The following FHIP1A variants were observed in gnomAD, a reference collection of about 807,000 sequenced individuals.
The protein encoded by FHIP1A is FHF complex subunit HOOK interacting protein 1A, also known as FHF complex subunit HOOK-interacting protein 1A.
Under a neutral mutation model 88.6 loss-of-function variants are expected in FHIP1A, and 61 were observed. The observed-to-expected ratio is 0.69, with a 90% CI of 0.56 to 0.85. The LOEUF (loss-of-function observed/expected upper bound fraction) is 0.85. Ranked by LOEUF, FHIP1A falls within the 40% of genes least tolerant of loss-of-function variation. The pLI is 0.00. For synonymous variants in FHIP1A, 478 were observed against 496.0 expected (o/e 0.96, Z 0.48); for missense variants, 1,154 against 1,273.5 (o/e 0.91, Z 1.43).
intron 9 of FHIP1A, among the ~76,000 whole-genome samples, 155 bp downstream of exon 9, chr4:151,638,911 ATTAAT>A (rs1736467850): frequency 6.6e-6 from 1 of 152,210 alleles, no homozygotes; most frequent in Non-Finnish European, 1.5e-5. Context: ...TATCACGAAC[ATTAAT>A]TTATTTTTTG....
intron 1 of FHIP1A, among the ~76,000 whole-genome samples, chr4:151,449,190 A>C (rs1436760353): frequency 1.3e-5 from 2 of 152,196 alleles, no homozygotes; most frequent in Non-Finnish European, 2.9e-5. Context: ...TGAATGAATG[A>C]ATACATGATA....
chr4:151,555,142 G>A (rs1042083152), intron 3 of FHIP1A, among the ~76,000 whole-genome samples: 1 of 152,130 alleles, frequency 6.6e-6, no homozygotes, highest in Non-Finnish European at 1.5e-5. Flanking sequence ...TTGGCTCTTT[G>A]ATCTTCTACT....
Position 151,650,040 on chromosome 4 carries a change from C to A in FHIP1A, c.1999C>A (p.Pro667Thr). 1 of 1,551,686 alleles carries A rather than the reference C, an allele frequency of 6.4e-7. No individual in the cohort carries two copies. Among genetic ancestry groups the A allele is most frequent in the South Asian group, 1.2e-5 (1 of 84,058 alleles). ...TTCTCAGGAGGAAGCTGCTAGGCCACCAGCTGAAGCCCAGGCTGAAGTTCA... is the reference window on the plus strand; with the variant it reads ...TTCTCAGGAGGAAGCTGCTAGGCCAACAGCTGAAGCCCAGGCTGAAGTTCA... ...KDSQEEAARP[P>T]AEAQAEVQSV... Residue 667 changes from proline to threonine, a missense_variant, in exon 11 of 14, where the codon CCA becomes ACA. Coordinates refer to ENST00000435205, the MANE Select transcript of FHIP1A (RefSeq NM_001109977.3).
At chr4:151,637,480 C>G (rs948126530) in intron 8 of FHIP1A, among the ~76,000 whole-genome samples, 5 of 152,122 alleles carry the variant, frequency 3.3e-5, no homozygotes, top group Non-Finnish European at 7.4e-5. Context: ...TAAATACACC[C>G]TGCTGCTCAC....
intron 1 of FHIP1A, among the ~76,000 whole-genome samples, chr4:151,417,546 G>A (rs1732942434): frequency 6.6e-6 from 1 of 152,290 alleles, no homozygotes; most frequent in Non-Finnish European, 1.5e-5. Context: ...CTGTCATGCG[G>A]AACAAGGAGA....
intron 2 of FHIP1A, among the ~76,000 whole-genome samples, chr4:151,457,433 T>C (rs1026388072): frequency 6.6e-6 from 1 of 152,182 alleles, no homozygotes; most frequent in East Asian, 1.9e-4. Context: ...TCTGAAATTA[T>C]TCTATTTGGT....
intron 7 of FHIP1A, among the ~76,000 whole-genome samples, chr4:151,628,201 C>T (rs1054247000): frequency 3.3e-5 from 5 of 152,048 alleles, no homozygotes; most frequent in Non-Finnish European, 5.9e-5. Context: ...AGGGGATTTG[C>T]GCTATGATAT....
At chr4:151,568,067 G>A (rs1733457656) in intron 4 of FHIP1A, among the ~76,000 whole-genome samples, 1 of 152,184 alleles carries the variant, frequency 6.6e-6, no homozygotes, top group Non-Finnish European at 1.5e-5. Flanking sequence ...CATCTGCCCT[G>A]TCAGATTCTG....
intron 3 of FHIP1A, among the ~76,000 whole-genome samples, chr4:151,542,212 G>T (rs992360844): frequency 1.3e-5 from 2 of 152,056 alleles, no homozygotes; most frequent in Non-Finnish European, 2.9e-5. Context: ...TGTGTGTGTG[G>T]TGCTCTGTTT....
intron 1 of FHIP1A, among the ~76,000 whole-genome samples, chr4:151,442,197 A>C (rs1199140665): frequency 6.6e-6 from 1 of 152,126 alleles, no homozygotes; most frequent in Non-Finnish European, 1.5e-5. Flanking sequence ...CGCGTGGCTG[A>C]TTGGTGCAGG....
chr4:151,445,811 C>T lies in FHIP1A; in HGVS notation c.-355-8890C>T, dbSNP rs1175953042. 2.1e-5 allele frequency among the ~76,000 whole-genome samples: 3 copies of T among 140,042 alleles called. No individual in the cohort carries two copies. The Admixed American group carries it at 2.3e-4, about 11-fold the overall frequency. 91.9% of individuals were successfully genotyped at this position (140,042 alleles called of 152,430 possible). On this transcript the variant is annotated intron_variant, in intron 1 of 13. Coordinates refer to ENST00000435205, the MANE Select transcript of FHIP1A (RefSeq NM_001109977.3). ...TTGAGGCTGCAGTGACCTATGATCA[C>T]ACCTCTGCACGCCAGCCTGAGAGAC...
intron 3 of FHIP1A, among the ~76,000 whole-genome samples, chr4:151,562,287 G>A (rs1223228225): frequency 6.6e-6 from 1 of 152,176 alleles, no homozygotes; most frequent in African/African-American, 2.4e-5. Flanking sequence ...AGAAGGAGGG[G>A]TAGGAAGGGA....
chr4:151,551,678 T>G (rs558888059), intron 3 of FHIP1A, among the ~76,000 whole-genome samples: 19 of 152,272 alleles, frequency 1.2e-4, no homozygotes, highest in Middle Eastern at 6.8e-3. Context: ...TATACAAAAA[T>G]TAATTCAAGA....
At chr4:151,487,518 G>C (rs1328168403) in intron 3 of FHIP1A, among the ~76,000 whole-genome samples, 2 of 152,168 alleles carry the variant, frequency 1.3e-5, no homozygotes, top group Non-Finnish European at 1.5e-5. Flanking sequence ...AGACCTGGAT[G>C]TCCCACAGTC....
intron 7 of FHIP1A, among the ~76,000 whole-genome samples, chr4:151,618,737 A>C (rs1735634963): frequency 6.6e-6 from 1 of 152,224 alleles, no homozygotes; most frequent in Non-Finnish European, 1.5e-5. Flanking sequence ...CGTTTGTAGC[A>C]GTTGGGACAC....
chr4:151,609,808 A>G lies in FHIP1A; in HGVS notation c.979-19894A>G, dbSNP rs565347754. ...TGAACTAATTGGCCGTAGGATCTATATCACCTTGGCCTACAGCCAACTTCA... is the reference window on the plus strand; with the variant it reads ...TGAACTAATTGGCCGTAGGATCTATGTCACCTTGGCCTACAGCCAACTTCA... On this transcript the variant is annotated intron_variant, in intron 7 of 13. Transcript: ENST00000435205. Among the ~76,000 whole-genome samples the G allele has an allele frequency of 2.0e-4, 30 of 152,346 alleles. 1 individual carries two copies. Among genetic ancestry groups the G allele is most frequent in the African/African-American group, 6.7e-4 (28 of 41,582 alleles).
intron 11 of FHIP1A, 31 bp downstream of exon 11, chr4:151,650,623 G>C: frequency 6.6e-7 from 1 of 1,520,496 alleles, no homozygotes; most frequent in South Asian, 1.3e-5. Context: ...TGTGGTTTCT[G>C]CTTTCGAAAG....
rs1288765465 is a variant in FHIP1A at position 151,669,307 on chromosome 4, A to AGT, written c.*6555_*6556dup. Among the ~76,000 whole-genome samples the AGT allele has an allele frequency of 6.6e-6, 1 of 152,260 alleles. No individual in the cohort carries two copies. Among genetic ancestry groups the AGT allele is most frequent in the Non-Finnish European group, 1.5e-5 (1 of 68,042 alleles). ...AATGAGAATCAGCCTGGACAAATCA[A>AGT]GTGCTTTAACAAGGGCATCTTCCTC... On this transcript the variant is annotated 3_prime_UTR_variant, in exon 14 of 14. Transcript: ENST00000435205.
chr4:151,615,333 C>T (rs1735482259), intron 7 of FHIP1A, among the ~76,000 whole-genome samples: 1 of 152,152 alleles, frequency 6.6e-6, no homozygotes, highest in South Asian at 2.1e-4. Flanking sequence ...CTGTGTGCTT[C>T]TAGGGCAAAA....
Sources: allele counts gnomAD v4.1 joint callset (sites outside exome capture counted in the v4.1 genomes callset), GRCh38; gene constraint gnomAD v4.1.1; transcripts MANE v1.5; gene names NCBI Gene and HGNC (gene_info 2026-07-23, HGNC 2026-07-21).